Variants in NME9 observed in about 807,000 individuals in gnomAD.
NME9 encodes thioredoxin domain-containing protein 6.
In NME9, 48 loss-of-function variants were observed where a neutral mutation model predicts 44.4. The observed-to-expected ratio is 1.08, with a 90% CI of 0.86 to 1.37. NME9 has a LOEUF of 1.37. Among genes scored for constraint, NME9 ranks in the 40% most tolerant of loss-of-function variants. NME9 has a pLI of 0.00. For missense variants in NME9, 325 were observed against 405.2 expected, an observed-to-expected ratio of 0.80 and a Z score of 1.70; for synonymous variants, 139 against 147.1, an observed-to-expected ratio of 0.94 and a Z score of 0.40.
intron 8 of NME9, among the ~76,000 whole-genome samples, chr3:138,277,572 G>GA (rs2049422170): frequency 6.6e-6 from 1 of 152,030 alleles, no homozygotes; most frequent in Non-Finnish European, 1.5e-5. Context: ...ACATAAAACT[G>GA]AAAAAACAAT....
intron 8 of NME9, among the ~76,000 whole-genome samples, chr3:138,269,440 A>G (rs933472212): frequency 3.9e-5 from 6 of 152,322 alleles, no homozygotes; most frequent in Admixed American, 3.9e-4. Flanking sequence ...TTAGATGTAA[A>G]ATGTGGCATG....
intron 8 of NME9, among the ~76,000 whole-genome samples, chr3:138,266,624 A>G (rs1426512437): frequency 6.6e-6 from 1 of 152,134 alleles, no homozygotes; most frequent in African/African-American, 2.4e-5. Flanking sequence ...GGCTCAGGCT[A>G]GTTAGTGGAA....
At chr3:138,311,168 A>G (rs936208089) in intron 6 of NME9, among the ~76,000 whole-genome samples, 1 of 152,198 alleles carries the variant, frequency 6.6e-6, no homozygotes, top group African/African-American at 2.4e-5. Flanking sequence ...TCCTGGATAT[A>G]TGCAGTCTAC....
chr3:138,326,700 G>A (rs2108469775), intron 1 of NME9, among the ~76,000 whole-genome samples: 1 of 151,986 alleles, frequency 6.6e-6, no homozygotes, highest in South Asian at 2.1e-4. Context: ...CTTCCAAAGT[G>A]CTGGGATTAC....
At position 138,315,634 on chromosome 3, in the gene NME9, G is replaced by T; in HGVS notation, c.277C>A (p.Leu93Met). Residue 93 changes from leucine (L) to methionine (M), a missense_variant, in exon 5 of 11, where the codon CTG (leucine) becomes ATG (methionine). By Grantham distance (15) the Leu-to-Met change is conservative (BLOSUM62 2). Coordinates refer to ENST00000333911, the MANE Select transcript of NME9 (RefSeq NM_001349018.2). Reference protein sequence around the residue: ...PTFLFYAGGELVAVVRGANAP... With the variant: ...PTFLFYAGGEMVAVVRGANAP... Reference sequence around the variant, plus strand: ...TTTGCTCCTCTAACCACAGCCACCAGTTCTCCTCCCTAGAATACGTTACAA... The same window carrying T: ...TTTGCTCCTCTAACCACAGCCACCATTTCTCCTCCCTAGAATACGTTACAA... 3.9e-6 allele frequency: 6 copies of T among 1,535,424 alleles called. No individual in the cohort carries two copies. Among genetic ancestry groups the T allele is most frequent in the Non-Finnish European group, 5.2e-6 (6 of 1,145,846 alleles).
chr3:138,286,573 A>G (rs2108368099), intron 8 of NME9, among the ~76,000 whole-genome samples: 1 of 152,294 alleles, frequency 6.6e-6, no homozygotes, highest in East Asian at 1.9e-4. Context: ...AGCAGATCAC[A>G]ACCTTCATTG....
intron 4 of NME9, among the ~76,000 whole-genome samples, chr3:138,317,558 A>C (rs1404833070): frequency 1.3e-5 from 2 of 152,236 alleles, no homozygotes; most frequent in Non-Finnish European, 2.9e-5. Flanking sequence ...TTTTCAAAAC[A>C]CTGGGCCACT....
rs2053992374 is a variant in NME9, at chr3:138,329,457, C to T, written c.-122G>A. 1.1e-5 allele frequency: 17 copies of T among 1,494,146 alleles called. No homozygotes were observed. The South Asian group carries it at 2.2e-4, about 19-fold the overall frequency. The allele number at this position is 1,494,146 out of a possible 1,614,324, so 92.6% of individuals were successfully genotyped here. A position where few individuals can be genotyped will look rare whatever the true frequency, so the allele number is the denominator to read the frequency against. ...CTCCTTCAGACAAGCCCCCCTCCTA[C>T]GGCCCCCGGCCCCTTTTTAAGGTGC... is the stretch of plus-strand genomic sequence containing the variant. On this transcript the variant is annotated 5_prime_UTR_variant, in exon 1 of 11. Transcript: ENST00000333911.
intron 8 of NME9, among the ~76,000 whole-genome samples, chr3:138,275,217 A>C (rs1268236366): frequency 6.6e-6 from 1 of 152,224 alleles, no homozygotes; most frequent in East Asian, 1.9e-4. Flanking sequence ...GGCGATCTTC[A>C]GTTTTTTGAC....
intron 8 of NME9, among the ~76,000 whole-genome samples, chr3:138,282,817 C>T (rs2050065724): frequency 6.6e-6 from 1 of 152,148 alleles, no homozygotes. Flanking sequence ...CTGTTAATTA[C>T]ACTTGGCATG....
rs188590837 is a variant in NME9, at chr3:138,304,038, C to T, written c.792-395G>A. 2.5e-3 allele frequency among the ~76,000 whole-genome samples: 380 copies of T among 152,334 alleles called. 1 individual carries two copies. The highest frequency in any genetic ancestry group is 6.8e-3 in the Middle Eastern group (2 of 294). On this transcript the variant is annotated intron_variant, in intron 9 of 10. Transcript: ENST00000333911. ...TTGTGCATAGTTATCCTTGCAATAA[C>T]CTCGTAAGATAATATTGCTATGATT...
At chr3:138,315,710 G>A in intron 4 of NME9, 67 bp from the exon 5 acceptor site, 1 of 1,208,192 alleles carries the variant, frequency 8.3e-7, no homozygotes, top group East Asian at 2.5e-5. Context: ...GAGATGGCAA[G>A]AGTGTCTAGG....
At chr3:138,300,098 A>G (rs552283676), downstream of NME9, among the ~76,000 whole-genome samples, 18 of 152,334 alleles carry the variant, frequency 1.2e-4, no homozygotes, top group African/African-American at 3.8e-4. Flanking sequence ...GGGATCTGGA[A>G]TAGTGCATCC....
chr3:138,301,775 T>A, intron 10 of NME9, 71 bp from the exon 11 acceptor site: 1 of 1,249,782 alleles, frequency 8.0e-7, no homozygotes, highest in East Asian at 2.5e-5. Context: ...CCACCCACCA[T>A]CCACAAAGAA....
intron 8 of NME9, among the ~76,000 whole-genome samples, chr3:138,274,962 T>C (rs1248302239): frequency 1.3e-5 from 2 of 152,176 alleles, no homozygotes. Context: ...CTGGAGATAG[T>C]TTTCATTTCT....
intron 1 of NME9, among the ~76,000 whole-genome samples, chr3:138,327,381 A>C (rs1305060136): frequency 6.6e-6 from 1 of 152,012 alleles, no homozygotes; most frequent in African/African-American, 2.4e-5. Context: ...GCTCAGACTT[A>C]AGTCACCAGC....
At position 138,323,411 on chromosome 3, in the gene NME9, AAAG is replaced by A. The variant is rs562109144; in HGVS notation, c.91+1459_91+1461del. Among the ~76,000 whole-genome samples the A allele has an allele frequency of 5.5e-4, 83 of 152,286 alleles. 1 individual carries two copies. The highest frequency in any genetic ancestry group is 7.7e-4 in the East Asian group (4 of 5,182). On this transcript the variant is annotated intron_variant, in intron 2 of 10. Transcript: ENST00000333911. Reference sequence around the variant, plus strand: ...AGCCTGGGTGACTCCGTCTCAAAAAAAAGAAGAAGAAGAAAAAGCATGCTGTTG... The same window carrying A: ...AGCCTGGGTGACTCCGTCTCAAAAAAAAGAAGAAGAAAAAGCATGCTGTTG...
rs2050655121 is a variant in NME9 at position 138,288,668 on chromosome 3, TCGCTCTGTCA to T, written c.745+14829_745+14838del. Among the ~76,000 whole-genome samples, 5 of 143,658 alleles carry T rather than the reference TCGCTCTGTCA, an allele frequency of 3.5e-5. No individual in the cohort carries two copies. In the Admixed American group the frequency reaches 3.8e-4, roughly 11 times the overall value. 94.2% of individuals were successfully genotyped at this position (143,658 alleles called of 152,430 possible). A position where few individuals can be genotyped will look rare whatever the true frequency, so the allele number is the denominator to read the frequency against. ...TTTTTTTTTTTTTTGAGACGGAGTC[TCGCTCTGTCA>T]CCCAGGCTGAGTGCAATGGCACGAT... On this transcript the variant is annotated intron_variant, in intron 8 of 8. Transcript: ENST00000317876.
rs1221201949 is a variant in NME9, at chr3:138,303,546, TG to T, written c.888del (p.Ser297ValfsTer2). On this transcript the variant is annotated frameshift_variant, in exon 10 of 11. Transcript: ENST00000333911. LOFTEE classifies it low-confidence loss of function (END_TRUNC). Reference protein sequence around the residue: ...DADRELALLFPSLKFSDKDTE... With the variant: ...DADRELALLFXSLKFSDKDTE... ...GTATCTTTGTCTGAAAATTTCAAAC[TG>T]GGGAAGAGCAATGCCAGTTCTCTGT... is the stretch of plus-strand genomic sequence containing the variant. 6.2e-7 allele frequency: 1 copy of T among 1,613,778 alleles called. No individual in the cohort carries two copies. The highest frequency in any genetic ancestry group is 8.5e-7 in the Non-Finnish European group (1 of 1,179,638).
Sources: gnomAD v4.1 joint callset for allele counts (sites outside exome capture counted in the v4.1 genomes callset) on GRCh38, gnomAD v4.1.1 for gene constraint, MANE v1.5 for transcripts, NCBI Gene and HGNC (gene_info 2026-07-23, HGNC 2026-07-21) for gene names.